GRIA1: variants seen among roughly 807,000 people sequenced by gnomAD.
The protein encoded by GRIA1 is glutamate ionotropic receptor AMPA type subunit 1, also known as glutamate receptor 1.
In GRIA1, 31 loss-of-function variants were observed where a neutral mutation model predicts 99.2. The observed-to-expected ratio is 0.31, with a 90% CI of 0.23 to 0.42. The LOEUF (loss-of-function observed/expected upper bound fraction) is 0.42. Ranked by LOEUF, GRIA1 falls within the 10% of genes least tolerant of loss-of-function variation. The pLI is 1.00. For synonymous variants in GRIA1, 438 were observed against 432.4 expected (o/e 1.01, Z -0.16); for missense variants, 782 against 1,157.5 (o/e 0.68, Z 4.71).
intron 2 of GRIA1, among the ~76,000 whole-genome samples, chr5:153,585,263 C>G (rs1763369327): frequency 6.8e-6 from 1 of 147,306 alleles, no homozygotes; most frequent in South Asian, 2.2e-4. Context: ...ATTTCTCTCT[C>G]TTCTCTCCCT....
intron 2 of GRIA1, among the ~76,000 whole-genome samples, chr5:153,525,952 G>A (rs181573348): frequency 6.6e-6 from 1 of 152,240 alleles, no homozygotes; most frequent in Admixed American, 6.5e-5. Context: ...TGAAAGTCAA[G>A]TTTCCTATTA....
At chr5:153,723,607 G>C (rs1018051515) in intron 11 of GRIA1, among the ~76,000 whole-genome samples, 2 of 152,156 alleles carry the variant, frequency 1.3e-5, no homozygotes, top group African/African-American at 2.4e-5. Context: ...CACCTGGCTC[G>C]GAGGGTCCTA....
intron 2 of GRIA1, among the ~76,000 whole-genome samples, chr5:153,598,352 T>C (rs557392382): frequency 6.6e-6 from 1 of 152,126 alleles, no homozygotes; most frequent in Non-Finnish European, 1.5e-5. Flanking sequence ...AAATTATGGG[T>C]TGAGTTTAGT....
chr5:153,551,192 C>T (rs1581216302), intron 2 of GRIA1, among the ~76,000 whole-genome samples: 1 of 152,286 alleles, frequency 6.6e-6, no homozygotes, highest in East Asian at 1.9e-4. Context: ...GTAGCATTCC[C>T]TACACCAAAT....
At chr5:153,797,513 A>G (rs984195842) in intron 14 of GRIA1, among the ~76,000 whole-genome samples, 2 of 152,198 alleles carry the variant, frequency 1.3e-5, no homozygotes, top group Admixed American at 6.5e-5. Context: ...CTGCTCACCA[A>G]TGCATAGTCC....
At chr5:153,575,543 G>A (rs1274328788) in intron 2 of GRIA1, among the ~76,000 whole-genome samples, 1 of 152,172 alleles carries the variant, frequency 6.6e-6, no homozygotes, top group African/African-American at 2.4e-5. Flanking sequence ...GCAGGACCTT[G>A]CTTTCAAAAC....
At chr5:153,565,548 A>G (rs941064018) in intron 2 of GRIA1, among the ~76,000 whole-genome samples, 1 of 152,198 alleles carries the variant, frequency 6.6e-6, no homozygotes, top group Non-Finnish European at 1.5e-5. Context: ...ATCTAATTTT[A>G]AAACATTTCT....
intron 2 of GRIA1, among the ~76,000 whole-genome samples, chr5:153,500,171 T>C (rs918943195): frequency 3.3e-5 from 5 of 152,214 alleles, no homozygotes; most frequent in African/African-American, 1.2e-4. Context: ...CTGACTAGTT[T>C]GAAGATCCTG....
intron 10 of GRIA1, among the ~76,000 whole-genome samples, chr5:153,702,638 T>G (rs561841917): frequency 2.3e-4 from 35 of 152,348 alleles, no homozygotes; most frequent in African/African-American, 8.2e-4. Context: ...ACCAATAGCA[T>G]TAGCACCACC....
intron 10 of GRIA1, among the ~76,000 whole-genome samples, chr5:153,703,596 T>G (rs1020053841): frequency 5.9e-5 from 9 of 152,128 alleles, no homozygotes; most frequent in African/African-American, 2.2e-4. Flanking sequence ...AAAAATTAGC[T>G]GGGCATTGTG....
intron 2 of GRIA1, among the ~76,000 whole-genome samples, chr5:153,617,557 G>T (rs1363541538): frequency 1.3e-5 from 2 of 152,164 alleles, no homozygotes; most frequent in African/African-American, 2.4e-5. Context: ...AAGTGATTTG[G>T]ATCCTTGTGA....
At chr5:153,544,784 CGTT>C (rs1277150023) in intron 2 of GRIA1, among the ~76,000 whole-genome samples, 1 of 151,986 alleles carries the variant, frequency 6.6e-6, no homozygotes, top group Non-Finnish European at 1.5e-5. Context: ...CAGAAAATGA[CGTT>C]GGTGATAGTG....
intron 2 of GRIA1, among the ~76,000 whole-genome samples, chr5:153,603,428 G>T (rs1345713005): frequency 6.6e-6 from 1 of 151,998 alleles, no homozygotes; most frequent in Non-Finnish European, 1.5e-5. Context: ...TAGCCCTTTG[G>T]CTATATACCC....
chr5:153,674,641 G>T lies in GRIA1; in HGVS notation c.841G>T (p.Val281Leu). ...KNSDARDHTRVDWKRPKYTSA... is the reference protein window; with the variant it reads ...KNSDARDHTRLDWKRPKYTSA... ...TAGTGATGCTCGAGACCACACACGGGTGGACTGGAAGAGACCCAAGGTGAG... is the reference window on the plus strand; with the variant it reads ...TAGTGATGCTCGAGACCACACACGGTTGGACTGGAAGAGACCCAAGGTGAG... The change falls in exon 6 of 16, where the codon GTG becomes TTG. Residue 281 changes from valine to leucine, a missense_variant. Coordinates refer to ENST00000285900, the MANE Select transcript of GRIA1 (RefSeq NM_000827.4). 2 of 1,614,072 alleles carry T rather than the reference G, an allele frequency of 1.2e-6. No homozygotes were observed. The highest frequency in any genetic ancestry group is 1.7e-6 in the Non-Finnish European group (2 of 1,179,972).
intron 11 of GRIA1, among the ~76,000 whole-genome samples, chr5:153,762,444 G>A (rs556837818): frequency 6.6e-6 from 1 of 152,282 alleles, no homozygotes; most frequent in East Asian, 1.9e-4. Flanking sequence ...AAAGAGCACT[G>A]GGATAGTTCT....
At chr5:153,549,204 A>T (rs1028856619) in intron 2 of GRIA1, among the ~76,000 whole-genome samples, 1 of 152,218 alleles carries the variant, frequency 6.6e-6, no homozygotes, top group East Asian at 1.9e-4. Flanking sequence ...GTACACATTA[A>T]TGATCCCTGT....
At chr5:153,796,439 A>G (rs897119967) in intron 14 of GRIA1, among the ~76,000 whole-genome samples, 1 of 152,180 alleles carries the variant, frequency 6.6e-6, no homozygotes, top group Non-Finnish European at 1.5e-5. Flanking sequence ...CAACCATATA[A>G]ATAACTATAA....
chr5:153,542,623 C>G (rs1333988588), intron 2 of GRIA1, among the ~76,000 whole-genome samples: 1 of 152,246 alleles, frequency 6.6e-6, no homozygotes, highest in Non-Finnish European at 1.5e-5. Context: ...TGAAGGTTTA[C>G]AGCAGATATA....
chr5:153,610,597 G>A (rs1042783747), intron 2 of GRIA1, among the ~76,000 whole-genome samples: 5 of 152,170 alleles, frequency 3.3e-5, no homozygotes, highest in Non-Finnish European at 7.3e-5. Context: ...AATTGTGGTC[G>A]AGAGTGTAGT....
Sources: allele counts gnomAD v4.1 joint callset (sites outside exome capture counted in the v4.1 genomes callset), GRCh38; gene constraint gnomAD v4.1.1; transcripts MANE v1.5; gene names NCBI Gene and HGNC (gene_info 2026-07-23, HGNC 2026-07-21).